AXIN1: variants seen among roughly 807,000 people sequenced by gnomAD.
AXIN1 encodes the protein axin-1.
AXIN1 carries 30 observed loss-of-function variants against 76.4 expected under a neutral mutation model. The observed-to-expected ratio is 0.39, with a 90% CI of 0.29 to 0.53. AXIN1 has a LOEUF of 0.53. AXIN1 is among the 20% of genes least tolerant of loss of function. AXIN1 has a pLI of 0.66. For missense variants in AXIN1, 1,140 were observed against 1,198.8 expected, an observed-to-expected ratio of 0.95 and a Z score of 0.72; for synonymous variants, 545 against 501.4, an observed-to-expected ratio of 1.09 and a Z score of -1.16.
intron 4 of AXIN1, among the ~76,000 whole-genome samples, chr16:304,902 C>A (rs1222459784): frequency 6.6e-6 from 1 of 152,196 alleles, no homozygotes; most frequent in Non-Finnish European, 1.5e-5. Context: ...TCCTCACGGT[C>A]CCCCTTTTCG....
At chr16:311,695 C>A (rs1271103881) in intron 3 of AXIN1, among the ~76,000 whole-genome samples, 1 of 152,066 alleles carries the variant, frequency 6.6e-6, no homozygotes, top group Non-Finnish European at 1.5e-5. Flanking sequence ...GGCGTGAACC[C>A]GGGAGGCGGA....
In AXIN1 at chr16:287,490, G is replaced by C. The variant is rs542383418; in HGVS notation, c.*632C>G. 1.4e-5 allele frequency: 5 copies of C among 360,666 alleles called. No individual in the cohort carries two copies. Among genetic ancestry groups the C allele is most frequent in the Non-Finnish European group, 2.5e-5 (5 of 202,206 alleles). The allele number at this position is 360,666 out of a possible 1,614,324, so 22.3% of individuals were successfully genotyped here. Reference sequence around the variant, plus strand: ...ATTATTATCCAAGTACCTTTGAAAAGATAATTAATTGTACAAGTGTCATCG... The same window carrying C: ...ATTATTATCCAAGTACCTTTGAAAACATAATTAATTGTACAAGTGTCATCG... On this transcript the variant is annotated 3_prime_UTR_variant, in exon 11 of 11. Coordinates refer to ENST00000262320, the MANE Select transcript of AXIN1 (RefSeq NM_003502.4).
Position 343,843 on chromosome 16 carries a change from C to G in AXIN1, c.878+2305G>C, listed in dbSNP as rs9922256. 2.0e-5 allele frequency among the ~76,000 whole-genome samples: 3 copies of G among 148,326 alleles called. No individual in the cohort carries two copies. The Admixed American group carries it at 2.0e-4, about 10-fold the overall frequency. On this transcript the variant is annotated intron_variant, in intron 2 of 10. Coordinates refer to ENST00000262320, the MANE Select transcript of AXIN1 (RefSeq NM_003502.4). Reference sequence around the variant, plus strand: ...CAACGTGGCGAAACGCTGTCTCTACCACAAATACAAAAATTAGCCAGGCAT... The same window carrying G: ...CAACGTGGCGAAACGCTGTCTCTACGACAAATACAAAAATTAGCCAGGCAT...
At chr16:310,121 G>C (rs1203715196) in intron 3 of AXIN1, 52 bp from the exon 4 acceptor site, 26 of 1,532,606 alleles carry the variant, frequency 1.7e-5, no homozygotes, top group Non-Finnish European at 2.3e-5. Flanking sequence ...AGGAGGGCCA[G>C]CACCGTGCCA....
chr16:288,789 G>T (rs887649201), intron 10 of AXIN1, among the ~76,000 whole-genome samples: 1 of 152,268 alleles, frequency 6.6e-6, no homozygotes, highest in Non-Finnish European at 1.5e-5. Context: ...CAGGGCGAAT[G>T]AACCTTGGTA....
chr16:312,536 C>T (rs1294546946), intron 3 of AXIN1, among the ~76,000 whole-genome samples: 7 of 152,324 alleles, frequency 4.6e-5, no homozygotes, highest in South Asian at 2.1e-4. Flanking sequence ...GCATGTCAGG[C>T]GCTCCGTGGG....
At chr16:343,113 C>T (rs1484244659) in intron 2 of AXIN1, among the ~76,000 whole-genome samples, 1 of 152,196 alleles carries the variant, frequency 6.6e-6, no homozygotes, top group Non-Finnish European at 1.5e-5. Context: ...GACACGACTC[C>T]CAAGCCCCAG....
In AXIN1 at chr16:336,830, A is replaced by C. The variant is rs375902747; in HGVS notation, c.878+9318T>G. Among the ~76,000 whole-genome samples the C allele has an allele frequency of 1.0e-2, 1,502 of 150,350 alleles. 14 individuals carry two copies. Among genetic ancestry groups the C allele is most frequent in the South Asian group, 0.014 (65 of 4,750 alleles). On this transcript the variant is annotated intron_variant, in intron 2 of 10. Coordinates refer to ENST00000262320, the MANE Select transcript of AXIN1 (RefSeq NM_003502.4). ...AGACTCCGCCTCAAAAAAAAAAAAA[A>C]AAAACAAAACATAAATACAAGAACT...
intron 9 of AXIN1, chr16:290,564 T>G (rs2052527491): frequency 6.0e-6 from 1 of 166,128 alleles, no homozygotes; most frequent in African/African-American, 2.4e-5. Flanking sequence ...TGGCAAGGCC[T>G]GGGGGACCCT....
In AXIN1 at chr16:288,216, T is replaced by G. The variant is rs753197861; in HGVS notation, c.2495A>C (p.Asp832Ala). ...AACCTCCTCAAACACCACCCCACAGTCAAACTCGTCGCTCACTTTCTTGAA... is the reference window on the plus strand; with the variant it reads ...AACCTCCTCAAACACCACCCCACAGGCAAACTCGTCGCTCACTTTCTTGAA... Reference protein sequence around the residue: ...YYFKKVSDEFDCGVVFEEVRE... With the variant: ...YYFKKVSDEFACGVVFEEVRE... Residue 832 changes from aspartate (D) to alanine (A), a missense_variant, in exon 11 of 11, where the codon GAC (aspartate) becomes GCC (alanine). Around this residue, in one of 3 missense-constraint regions of AXIN1, gnomAD observed 429 missense variants for 405.8 expected, o/e 1.06. Transcript: ENST00000262320. The G allele has an allele frequency of 4.3e-6, 7 of 1,613,616 alleles. No homozygotes were observed. Among genetic ancestry groups the G allele is most frequent in the Admixed American group, 1.7e-5 (1 of 60,012 alleles).
intron 3 of AXIN1, among the ~76,000 whole-genome samples, chr16:312,427 T>C (rs2053204080): frequency 6.6e-6 from 1 of 152,208 alleles, no homozygotes; most frequent in Non-Finnish European, 1.5e-5. Context: ...TCCCTTTTCT[T>C]GGAGAGAATT....
At chr16:315,554 G>A (rs964438378) in intron 2 of AXIN1, among the ~76,000 whole-genome samples, 5 of 152,206 alleles carry the variant, frequency 3.3e-5, no homozygotes, top group African/African-American at 1.2e-4. Flanking sequence ...CAGGCCGGGT[G>A]CGGTGGCTCA....
At chr16:326,370 A>ATATATATATATATATAT (rs1415761664) in intron 2 of AXIN1, among the ~76,000 whole-genome samples, 42 of 92,970 alleles carry the variant, frequency 4.5e-4, no homozygotes, top group African/African-American at 8.7e-4. Context: ...AAAAAAAAAA[A>ATATATATATATATATAT]AAATATATAT....
At chr16:340,537 AGGGAGTGCAGG>A (rs1188278540) in intron 2 of AXIN1, among the ~76,000 whole-genome samples, 1 of 152,234 alleles carries the variant, frequency 6.6e-6, no homozygotes, top group African/African-American at 2.4e-5. Flanking sequence ...CCCGCCAGCC[AGGGAGTGCAGG>A]CCCTGGGCCT....
chr16:300,081 A>G (rs1249055868), intron 5 of AXIN1, among the ~76,000 whole-genome samples: 1 of 152,084 alleles, frequency 6.6e-6, no homozygotes, highest in African/African-American at 2.4e-5. Context: ...CTGGGATTAC[A>G]GGCACCCACC....
At chr16:335,270 C>T (rs3803696) in intron 2 of AXIN1, among the ~76,000 whole-genome samples, 8,086 of 152,236 alleles carry the variant, frequency 0.053, 449 homozygotes, top group African/African-American at 0.13. Context: ...GGGGCCCTCA[C>T]GCCAGTGCCT....
Position 299,748 on chromosome 16 carries a change from C to T in AXIN1, c.1255-1497G>A, listed in dbSNP as rs188271535. ...TCGGCTCACTGCAACCTCCGTCTCC[C>T]GGGTTCACACCATTCTCCTGCCTCA... is the stretch of plus-strand genomic sequence containing the variant. On this transcript the variant is annotated intron_variant, in intron 5 of 10. Transcript: ENST00000262320. Among the ~76,000 whole-genome samples, 301 of 152,236 alleles carry T rather than the reference C, an allele frequency of 2.0e-3. 2 individuals are homozygous for T. Among genetic ancestry groups the T allele is most frequent in the African/African-American group, 6.5e-3 (272 of 41,528 alleles).
At chr16:321,522 GCTC>G (rs2053456480) in intron 2 of AXIN1, among the ~76,000 whole-genome samples, 1 of 152,236 alleles carries the variant, frequency 6.6e-6, no homozygotes, top group African/African-American at 2.4e-5. Flanking sequence ...CAACCACAGA[GCTC>G]CTCAACTCAC....
At chr16:329,917 G>A (rs757703210) in intron 2 of AXIN1, among the ~76,000 whole-genome samples, 20 of 152,044 alleles carry the variant, frequency 1.3e-4, no homozygotes, top group South Asian at 6.2e-4. Flanking sequence ...ACAGGCGTGA[G>A]CCACCGCGCC....
Sources: gnomAD v4.1 joint callset for allele counts (sites outside exome capture counted in the v4.1 genomes callset) on GRCh38, gnomAD v4.1.1 for gene constraint, gnomAD v4.1.1 regional missense constraint, MANE v1.5 for transcripts, NCBI Gene and HGNC (gene_info 2026-07-23, HGNC 2026-07-21) for gene names.